Variants in MRC2 observed in about 807,000 individuals in gnomAD.
The protein encoded by MRC2 is C-type mannose receptor 2.
A neutral mutation model predicts 206.2 loss-of-function variants in MRC2; 84 were observed. That is an observed-to-expected ratio of 0.41 (90% confidence interval 0.34 to 0.49). MRC2 has a LOEUF of 0.49. MRC2 is among the 20% of genes least tolerant of loss of function. The pLI is 0.31. For synonymous variants in MRC2, 798 were observed against 800.0 expected, an observed-to-expected ratio of 1.00 and a Z score of 0.04; for missense variants, 1,676 against 2,001.5, an observed-to-expected ratio of 0.84 and a Z score of 3.10.
At chr17:62,644,609 T>C (rs2147441032) in intron 1 of MRC2, among the ~76,000 whole-genome samples, 1 of 152,258 alleles carries the variant, frequency 6.6e-6, no homozygotes, top group East Asian at 1.9e-4. Flanking sequence ...CTTTTGCTTG[T>C]GATCAGTCAG....
intron 28 of MRC2, 148 bp from the exon 29 acceptor site, chr17:62,691,964 C>T: frequency 9.6e-7 from 1 of 1,045,220 alleles, no homozygotes; most frequent in Non-Finnish European, 1.4e-6. Context: ...TGTGCCCCCA[C>T]AGTAACCAGA....
At chr17:62,633,529 A>G (rs1329882197) in intron 1 of MRC2, among the ~76,000 whole-genome samples, 2 of 150,898 alleles carry the variant, frequency 1.3e-5, no homozygotes, top group Non-Finnish European at 3.0e-5. Context: ...AAAAGAGAAA[A>G]CATGACTATC....
At chr17:62,656,424 T>G (rs940456903) in intron 1 of MRC2, among the ~76,000 whole-genome samples, 1 of 152,188 alleles carries the variant, frequency 6.6e-6, no homozygotes, top group Non-Finnish European at 1.5e-5. Context: ...ACTCCTGGGC[T>G]CAAACGATCT....
Position 62,680,295 on chromosome 17 carries a change from CA to C in MRC2, c.2426del (p.Lys809ArgfsTer52). The C allele has an allele frequency of 4.3e-6, 7 of 1,613,926 alleles. No individual in the cohort carries two copies. The highest frequency in any genetic ancestry group is 5.9e-6 in the Non-Finnish European group (7 of 1,179,950). ...GCGACACACAGCTGGACTGGATCTGCAAGATCCCCAGAGGTTGGCCGGAGTG... is the reference window on the plus strand; with the variant it reads ...GCGACACACAGCTGGACTGGATCTGCAGATCCCCAGAGGTTGGCCGGAGTG... The part of the protein sequence containing the change: ...QCDTQLDWIC[K>X]IPRGTDVREP... On this transcript the variant is annotated frameshift_variant, in exon 15 of 30. Transcript: ENST00000303375. LOFTEE classifies it high-confidence loss of function. This position sits in a 1 kb window ranked among gnomAD's most constrained non-coding sequence, Gnocchi z 4.8.
chr17:62,688,409 G>T lies in MRC2; in HGVS notation c.3061+6G>T, dbSNP rs2089058552. ...CACAAACCCCTTAGAGCAAGGTAGG[G>T]CCAGCCTATGGGGAGCCCCCAGTAT... On this transcript the variant is annotated splice_donor_region_variant and intron_variant, in intron 21 of 29. Coordinates refer to ENST00000303375, the MANE Select transcript of MRC2 (RefSeq NM_006039.5). The T allele has an allele frequency of 6.2e-7, 1 of 1,614,208 alleles. No individual in the cohort carries two copies. The highest frequency in any genetic ancestry group is 1.7e-5 in the Admixed American group (1 of 60,036).
chr17:62,660,659 A>G (rs2088669110), intron 1 of MRC2, among the ~76,000 whole-genome samples: 1 of 152,224 alleles, frequency 6.6e-6, no homozygotes, highest in Non-Finnish European at 1.5e-5. Flanking sequence ...AAACCTCCAC[A>G]AGAGCAAGGT....
chr17:62,628,202 C>G (rs1035974226), intron 1 of MRC2, among the ~76,000 whole-genome samples: 8 of 151,910 alleles, frequency 5.3e-5, no homozygotes, highest in African/African-American at 1.9e-4. Context: ...TAGGAGGAAG[C>G]GGGTGGGCTC....
At position 62,657,309 on chromosome 17, in the gene MRC2, C is replaced by T. The variant is rs151158965; in HGVS notation, c.119-7239C>T. ...CACAATACCCTCAGTGCCTGATGCC[C>T]TGCTGGCATCTATGAAATTCTCAAT... On this transcript the variant is annotated intron_variant, in intron 1 of 29. Transcript: ENST00000303375. Among the ~76,000 whole-genome samples, 143 of 152,306 alleles carry T rather than the reference C, an allele frequency of 9.4e-4. 1 individual carries two copies. Among genetic ancestry groups the T allele is most frequent in the African/African-American group, 3.0e-3 (126 of 41,556 alleles).
At chr17:62,633,840 C>CAAAAAAAAAAAA (rs571793821) in intron 1 of MRC2, among the ~76,000 whole-genome samples, 3 of 33,918 alleles carry the variant, frequency 8.8e-5, no homozygotes, top group Admixed American at 1.3e-3. Context: ...GACCCTGTCT[C>CAAAAAAAAAAAA]AAAAAAAAAA....
rs2088562163 is a variant in MRC2, at chr17:62,652,066, C to G, written c.119-12482C>G. 6.6e-6 allele frequency among the ~76,000 whole-genome samples: 1 copy of G among 152,196 alleles called. No homozygotes were observed. The highest frequency in any genetic ancestry group is 2.4e-5 in the African/African-American group (1 of 41,452). On this transcript the variant is annotated intron_variant, in intron 1 of 29. Coordinates refer to ENST00000303375, the MANE Select transcript of MRC2 (RefSeq NM_006039.5). The surrounding 1 kb of genome is among the most constrained non-coding windows in gnomAD (Gnocchi z 4.6). ...AAGATTTTCTTCATTTCTGCTGACT[C>G]TTCAATGAACCAGAGGGGCACGTGT...
chr17:62,667,472 C>A lies in MRC2; in HGVS notation c.1056C>A (p.Ser352Arg). The A allele has an allele frequency of 6.2e-7, 1 of 1,612,810 alleles. No homozygotes were observed. ...SSGGWQNRDC[S>R]IALPYVCKKK... is the part of the protein sequence containing the mutation. ...GCGGCTGGCAGAACCGTGACTGCAG[C>A]ATCGCGCTGCCCTATGTGTGCAAGA... Residue 352 changes from serine (S) to arginine (R), a missense_variant, in exon 6 of 30, where the codon AGC (serine) becomes AGA (arginine). This residue lies in a region of MRC2 where 1,354 missense variants were observed against 1,636.6 expected (regional missense o/e 0.83). Transcript: ENST00000303375. The surrounding 1 kb of genome is among the most constrained non-coding windows in gnomAD (Gnocchi z 4.1).
intron 12 of MRC2, among the ~76,000 whole-genome samples, chr17:62,677,927 G>C (rs921919859): frequency 1.3e-5 from 2 of 152,188 alleles, no homozygotes; most frequent in Admixed American, 6.5e-5. Flanking sequence ...GCAGGCGCCT[G>C]TTGTCCCAGC....
chr17:62,687,884 A>G (rs1231788174), intron 20 of MRC2, among the ~76,000 whole-genome samples: 1 of 146,594 alleles, frequency 6.8e-6, no homozygotes, highest in Non-Finnish European at 1.5e-5. Flanking sequence ...CTCTGTCTTG[A>G]AAAAAAAAAA....
chr17:62,689,194 G>A (rs139191587), intron 23 of MRC2, among the ~76,000 whole-genome samples: 67 of 152,294 alleles, frequency 4.4e-4, no homozygotes, highest in African/African-American at 1.5e-3. Context: ...AGAGCTAGAC[G>A]CTGGGCTGCA....
At chr17:62,676,981 C>T (rs2088900627) in intron 11 of MRC2, among the ~76,000 whole-genome samples, 1 of 152,382 alleles carries the variant, frequency 6.6e-6, no homozygotes, top group Admixed American at 6.5e-5. Flanking sequence ...TACCATTTCA[C>T]ATTCATTATC....
At position 62,690,322 on chromosome 17, in the gene MRC2, G is replaced by GA; in HGVS notation, c.3892+18dup. ...GCCAGAGAGGTGGGTGACCAGGCCA[G>GA]AGCCCACACATGGCGGGCAGGTGGC... On this transcript the variant is annotated intron_variant, in intron 26 of 29. Transcript: ENST00000303375. 1 of 1,596,838 alleles carries GA rather than the reference G, an allele frequency of 6.3e-7. No individual in the cohort carries two copies. Among genetic ancestry groups the GA allele is most frequent in the Non-Finnish European group, 8.6e-7 (1 of 1,168,902 alleles).
chr17:62,664,471 C>A lies in MRC2; in HGVS notation c.119-77C>A. Reference sequence around the variant, plus strand: ...TCCTGCACTGGGCACATGGTAGGTGCCTGTCAGCCACACCGGTCATCAAGG... The same window carrying A: ...TCCTGCACTGGGCACATGGTAGGTGACTGTCAGCCACACCGGTCATCAAGG... On this transcript the variant is annotated intron_variant, in intron 1 of 29. Coordinates refer to ENST00000303375, the MANE Select transcript of MRC2 (RefSeq NM_006039.5). This position sits in a 1 kb window ranked among gnomAD's most constrained non-coding sequence, Gnocchi z 4.7. 3 of 1,479,244 alleles carry A rather than the reference C, an allele frequency of 2.0e-6. No homozygotes were observed. The highest frequency in any genetic ancestry group is 2.3e-5 in the East Asian group (1 of 44,156). 91.6% of individuals were successfully genotyped at this position (1,479,244 alleles called of 1,614,324 possible).
At chr17:62,642,696 C>T (rs1391588821) in intron 1 of MRC2, among the ~76,000 whole-genome samples, 2 of 152,170 alleles carry the variant, frequency 1.3e-5, no homozygotes, top group Non-Finnish European at 2.9e-5. Flanking sequence ...ATCCATGTGC[C>T]TCAGCCTCCC....
Position 62,667,280 on chromosome 17 carries a change from G to C in MRC2, c.974-110G>C, listed in dbSNP as rs1050661680. 18 of 1,402,340 alleles carry C rather than the reference G, an allele frequency of 1.3e-5. No homozygotes were observed. Among genetic ancestry groups the C allele is most frequent in the Non-Finnish European group, 1.6e-5 (17 of 1,052,614 alleles). The allele number at this position is 1,402,340 out of a possible 1,614,324, so 86.9% of individuals were successfully genotyped here. A position where few individuals can be genotyped will look rare whatever the true frequency, so the allele number is the denominator to read the frequency against. On this transcript the variant is annotated intron_variant, in intron 5 of 29. Transcript: ENST00000303375. This position sits in a 1 kb window ranked among gnomAD's most constrained non-coding sequence, Gnocchi z 4.1. ...GCTGAGCACCAGGCTTCCCGAACTG[G>C]CTCAGGCTTCCGAGGGAGCAGAGGG... is the stretch of plus-strand genomic sequence containing the variant.
Sources: allele counts gnomAD v4.1 joint callset (sites outside exome capture counted in the v4.1 genomes callset), GRCh38; gene constraint gnomAD v4.1.1; regional missense constraint gnomAD v4.1.1; non-coding constraint Gnocchi (gnomAD v3.1); transcripts MANE v1.5; gene names NCBI Gene and HGNC (gene_info 2026-07-23, HGNC 2026-07-21).